Variants in CFAP20DC observed in about 807,000 individuals in gnomAD.
CFAP20DC encodes CFAP20 domain containing.
Under a neutral mutation model 101.7 loss-of-function variants are expected in CFAP20DC, and 84 were observed. The ratio of observed to expected loss-of-function variants is 0.83; its 90% CI spans 0.69 to 0.99. The LOEUF (loss-of-function observed/expected upper bound fraction) is 0.99, where lower values mean the gene tolerates loss of function less well. Ranked by LOEUF, CFAP20DC falls within the 50% of genes least tolerant of loss-of-function variation. The pLI is 0.00. For synonymous variants in CFAP20DC, 359 were observed against 351.2 expected (o/e 1.02, Z -0.25); for missense variants, 1,007 against 970.3 (o/e 1.04, Z -0.50).
At chr3:58,955,365 T>C (rs1391070838) in intron 4 of CFAP20DC, among the ~76,000 whole-genome samples, 1 of 152,158 alleles carries the variant, frequency 6.6e-6, no homozygotes, top group Non-Finnish European at 1.5e-5. Flanking sequence ...CCATGTTCGG[T>C]TGTGGCAGCA....
intron 13 of CFAP20DC, among the ~76,000 whole-genome samples, chr3:58,841,672 A>G (rs1487665025): frequency 2.0e-5 from 3 of 152,218 alleles, no homozygotes; most frequent in African/African-American, 7.2e-5. Flanking sequence ...TGATTTTCAA[A>G]AATGGAGATG....
chr3:58,796,588 G>T lies in CFAP20DC; in HGVS notation c.2237+9807C>A, dbSNP rs189916474. On this transcript the variant is annotated intron_variant, in intron 15 of 16. Coordinates refer to ENST00000482387, the MANE Select transcript of CFAP20DC (RefSeq NM_001394063.1). ...ACCTCTCCAGGAACAGAAGGGGTGG[G>T]GAGTCAGTTAAATTTGACAGTGCAC... is the stretch of plus-strand genomic sequence containing the variant. Among the ~76,000 whole-genome samples the T allele has an allele frequency of 2.0e-5, 3 of 152,226 alleles. No homozygotes were observed. In the East Asian group the frequency reaches 5.8e-4, roughly 29 times the overall value.
intron 6 of CFAP20DC, among the ~76,000 whole-genome samples, chr3:58,898,930 C>G (rs186889143): frequency 1.3e-4 from 20 of 151,476 alleles, no homozygotes; most frequent in Admixed American, 1.3e-3. Flanking sequence ...AACAGTCAGG[C>G]TATTCTTCCA....
At chr3:58,877,473 A>G (rs1344116161) in intron 7 of CFAP20DC, among the ~76,000 whole-genome samples, 2 of 152,196 alleles carry the variant, frequency 1.3e-5, no homozygotes, top group Non-Finnish European at 2.9e-5. Flanking sequence ...AGGATGATGG[A>G]TATCAGGATA....
At chr3:58,895,017 C>T (rs1031632183) in intron 6 of CFAP20DC, among the ~76,000 whole-genome samples, 3 of 152,218 alleles carry the variant, frequency 2.0e-5, no homozygotes, top group African/African-American at 7.2e-5. Context: ...GCACCAAGTC[C>T]CCAGGCTGCA....
At chr3:59,012,227 A>C (rs924584804) in intron 4 of CFAP20DC, among the ~76,000 whole-genome samples, 5 of 152,230 alleles carry the variant, frequency 3.3e-5, no homozygotes, top group African/African-American at 9.6e-5. Flanking sequence ...GTCAGTTTTG[A>C]AGAATGAGTG....
At chr3:58,932,142 C>G (rs1248822283) in intron 5 of CFAP20DC, among the ~76,000 whole-genome samples, 1 of 152,052 alleles carries the variant, frequency 6.6e-6, no homozygotes, top group Non-Finnish European at 1.5e-5. Flanking sequence ...GCCTCAGGAG[C>G]CCATGCGATC....
rs771172269 is a variant in CFAP20DC at position 59,007,536 on chromosome 3, C to T, written c.278+32021G>A. Reference sequence around the variant, plus strand: ...CCTGAGTCTGTCCATGCGACAACTTCACTGCTAGCATAACCAGCATTTGAG... The same window carrying T: ...CCTGAGTCTGTCCATGCGACAACTTTACTGCTAGCATAACCAGCATTTGAG... On this transcript the variant is annotated intron_variant, in intron 4 of 16. Transcript: ENST00000482387. The surrounding 1 kb of genome is among the most constrained non-coding windows in gnomAD (Gnocchi z 4.4). Among the ~76,000 whole-genome samples, 10 of 152,356 alleles carry T rather than the reference C, an allele frequency of 6.6e-5. No individual in the cohort carries two copies. The highest frequency in any genetic ancestry group is 1.3e-4 in the Non-Finnish European group (9 of 68,034).
At position 59,024,020 on chromosome 3, in the gene CFAP20DC, A is replaced by C. The variant is rs552638711; in HGVS notation, c.278+15537T>G. On this transcript the variant is annotated intron_variant, in intron 4 of 16. Coordinates refer to ENST00000482387, the MANE Select transcript of CFAP20DC (RefSeq NM_001394063.1). ...CAGAGGGGATTCAGAAGTGTCTAAA[A>C]AGCAATGGATTGGATGATTTTTAAT... 5.1e-4 allele frequency among the ~76,000 whole-genome samples: 78 copies of C among 152,230 alleles called. 1 individual carries two copies. The highest frequency in any genetic ancestry group is 1.8e-3 in the African/African-American group (76 of 41,550).
At chr3:58,813,668 T>G (rs1392114644) in intron 14 of CFAP20DC, among the ~76,000 whole-genome samples, 1 of 151,976 alleles carries the variant, frequency 6.6e-6, no homozygotes. Context: ...GTAAACTGTC[T>G]TCCTCTATAA....
At chr3:58,937,250 T>C (rs967334279) in intron 5 of CFAP20DC, among the ~76,000 whole-genome samples, 19 of 152,352 alleles carry the variant, frequency 1.2e-4, no homozygotes, top group African/African-American at 4.6e-4. Context: ...TCCACGCTTC[T>C]GTCCATGCTG....
intron 14 of CFAP20DC, among the ~76,000 whole-genome samples, chr3:58,808,252 C>T (rs560989627): frequency 4.7e-4 from 71 of 152,218 alleles, no homozygotes; most frequent in African/African-American, 1.5e-3. Context: ...AACTCCAAGA[C>T]ACATAATTGT....
At chr3:58,940,092 G>T (rs1378699827) in intron 4 of CFAP20DC, among the ~76,000 whole-genome samples, 1 of 152,090 alleles carries the variant, frequency 6.6e-6, no homozygotes, top group Admixed American at 6.6e-5. Context: ...AATCTAAATA[G>T]TTAAGAGTCA....
chr3:58,787,917 C>T (rs2072507281), intron 15 of CFAP20DC, among the ~76,000 whole-genome samples: 1 of 150,614 alleles, frequency 6.6e-6, no homozygotes, highest in South Asian at 2.1e-4. Flanking sequence ...TGTTCTCACT[C>T]ATAAGTGGGA....
intron 4 of CFAP20DC, among the ~76,000 whole-genome samples, chr3:59,034,710 C>T (rs975137356): frequency 6.6e-6 from 1 of 151,966 alleles, no homozygotes; most frequent in Non-Finnish European, 1.5e-5. Context: ...TCTTAGAGAC[C>T]AACAAAGAGA....
chr3:58,856,247 A>T (rs2078800831), intron 12 of CFAP20DC, among the ~76,000 whole-genome samples: 1 of 145,938 alleles, frequency 6.9e-6, no homozygotes, highest in East Asian at 2.0e-4. Context: ...GTCTTTGTCT[A>T]CACTAGCTTC....
intron 6 of CFAP20DC, among the ~76,000 whole-genome samples, chr3:58,888,827 A>G (rs1022151662): frequency 6.6e-6 from 1 of 152,152 alleles, no homozygotes; most frequent in Non-Finnish European, 1.5e-5. Context: ...TTGGGTATAT[A>G]CCTAGTAATG....
intron 5 of CFAP20DC, among the ~76,000 whole-genome samples, chr3:58,934,253 C>G: frequency 6.6e-6 from 1 of 152,202 alleles, no homozygotes; most frequent in East Asian, 1.9e-4. Flanking sequence ...AGACCAATAA[C>G]AGGCTCTGAA....
chr3:58,902,892 GTTTT>G (rs896010972), intron 6 of CFAP20DC, among the ~76,000 whole-genome samples: 1 of 151,882 alleles, frequency 6.6e-6, no homozygotes, highest in African/African-American at 2.4e-5. Context: ...TTGTTATATT[GTTTT>G]TTTAATTTTT....
Sources: allele counts gnomAD v4.1 joint callset (sites outside exome capture counted in the v4.1 genomes callset), GRCh38; gene constraint gnomAD v4.1.1; non-coding constraint Gnocchi (gnomAD v3.1); transcripts MANE v1.5; gene names NCBI Gene and HGNC (gene_info 2026-07-23, HGNC 2026-07-21).